Variants in PLEKHA7 observed in about 807,000 individuals in gnomAD.
The protein encoded by PLEKHA7 is pleckstrin homology domain-containing family A member 7.
In PLEKHA7, 104 loss-of-function variants were observed where a neutral mutation model predicts 170.0. The observed-to-expected ratio is 0.61, with a 90% CI of 0.52 to 0.72. The LOEUF (loss-of-function observed/expected upper bound fraction) is 0.72, where lower values mean the gene tolerates loss of function less well. PLEKHA7 is among the 30% of genes least tolerant of loss of function. PLEKHA7 has a pLI of 0.00. For synonymous variants in PLEKHA7, 648 were observed against 660.8 expected (o/e 0.98, Z 0.30); for missense variants, 1,615 against 1,671.7 (o/e 0.97, Z 0.59).
chr11:16,814,990 A>C (rs1849642464), intron 12 of PLEKHA7, among the ~76,000 whole-genome samples: 1 of 152,214 alleles, frequency 6.6e-6, no homozygotes, highest in Non-Finnish European at 1.5e-5. Context: ...CCCCCTCCCC[A>C]GTGCCAGAAG....
chr11:16,882,548 A>G (rs1026594108), intron 3 of PLEKHA7, among the ~76,000 whole-genome samples: 13 of 152,274 alleles, frequency 8.5e-5, no homozygotes, highest in Non-Finnish European at 1.9e-4. Flanking sequence ...ATGCTGGCAT[A>G]TTATCCTAAC....
In PLEKHA7 at chr11:16,861,789, C is replaced by T. The variant is rs190467282; in HGVS notation, c.306-5875G>A. ...GGGAAAGCTGGCCCCCAAAGTCATG[C>T]TCTGTCCTCAAGGAATCTACACACA... On this transcript the variant is annotated intron_variant, in intron 4 of 26. Coordinates refer to ENST00000531066, the MANE Select transcript of PLEKHA7 (RefSeq NM_001329630.2). 3.2e-4 allele frequency among the ~76,000 whole-genome samples: 48 copies of T among 151,004 alleles called. No individual in the cohort carries two copies. In the East Asian group the frequency reaches 9.4e-3, roughly 30 times the overall value.
intron 6 of PLEKHA7, 93 bp from the exon 7 acceptor site, chr11:16,852,448 GC>G: frequency 9.9e-7 from 1 of 1,015,190 alleles, no homozygotes; most frequent in Non-Finnish European, 1.5e-6. Flanking sequence ...CCAAATATTT[GC>G]CCATATTCAC....
intron 4 of PLEKHA7, among the ~76,000 whole-genome samples, chr11:16,867,543 T>G (rs1177099574): frequency 6.6e-6 from 1 of 152,186 alleles, no homozygotes; most frequent in African/African-American, 2.4e-5. Flanking sequence ...ATTAAGCTCC[T>G]CTAAGGGAAC....
At chr11:16,804,299 G>GGT (rs1848799286) in intron 13 of PLEKHA7, among the ~76,000 whole-genome samples, 1 of 152,160 alleles carries the variant, frequency 6.6e-6, no homozygotes, top group Admixed American at 6.5e-5. Context: ...AGAGACAGGT[G>GGT]GTGTGTGTGT....
chr11:16,812,877 A>C (rs750954031), intron 13 of PLEKHA7, among the ~76,000 whole-genome samples: 2 of 152,244 alleles, frequency 1.3e-5, no homozygotes, highest in African/African-American at 4.8e-5. Flanking sequence ...TCAAGGTCTC[A>C]AGCCCTCATT....
intron 3 of PLEKHA7, among the ~76,000 whole-genome samples, chr11:16,878,588 C>G (rs1855482099): frequency 6.6e-6 from 1 of 152,174 alleles, no homozygotes; most frequent in Admixed American, 6.5e-5. Flanking sequence ...TCCTTGCAGC[C>G]TGGATGCTCT....
chr11:16,852,433 C>T, intron 6 of PLEKHA7, 78 bp from the exon 7 acceptor site: 1 of 1,250,832 alleles, frequency 8.0e-7, no homozygotes, highest in Non-Finnish European at 1.1e-6. Flanking sequence ...AACCTGATTC[C>T]AGAACCAAAT....
intron 10 of PLEKHA7, among the ~76,000 whole-genome samples, chr11:16,818,141 G>A (rs887367349): frequency 6.6e-6 from 1 of 152,162 alleles, no homozygotes; most frequent in African/African-American, 2.4e-5. Context: ...GCAACATCTT[G>A]CAACGGAAAA....
Position 16,795,022 on chromosome 11 carries a change from A to G in PLEKHA7, c.2410-4T>C, listed in dbSNP as rs190501066. The G allele has an allele frequency of 1.1e-4, 181 of 1,601,218 alleles. 2 individuals carry two copies. In the Admixed American group the frequency reaches 1.3e-3, roughly 11 times the overall value. Reference sequence around the variant, plus strand: ...CTTTCTGTATCTGCGATTTCTCCTGAGGAAGACGAAGTGGTGGGTTTGCCT... The same window carrying G: ...CTTTCTGTATCTGCGATTTCTCCTGGGGAAGACGAAGTGGTGGGTTTGCCT... On this transcript the variant is annotated splice_polypyrimidine_tract_variant and splice_region_variant and intron_variant, in intron 17 of 26. Transcript: ENST00000531066.
At chr11:17,014,295 C>A in intron 1 of PLEKHA7, 21 bp downstream of exon 1, 1 of 1,428,514 alleles carries the variant, frequency 7.0e-7, no homozygotes, top group African/African-American at 1.5e-5. Flanking sequence ...GTCCCCGCGT[C>A]CCCGGGTCCT....
chr11:16,784,415 T>C (rs1180875587), intron 24 of PLEKHA7, among the ~76,000 whole-genome samples: 2 of 152,184 alleles, frequency 1.3e-5, no homozygotes, highest in Admixed American at 1.3e-4. Flanking sequence ...GATAAATGGA[T>C]GATTGACAGG....
chr11:17,014,160 C>A lies in PLEKHA7; in HGVS notation c.128G>T (p.Gly43Val). The A allele has an allele frequency of 6.2e-7, 1 of 1,601,970 alleles. No individual in the cohort carries two copies. The change falls in exon 2 of 27, where the codon GGG (glycine) becomes GTG (valine). Residue 43 changes from glycine (G) to valine (V), a missense_variant. Physicochemically the swap from Gly to Val is moderately radical, Grantham distance 109. Transcript: ENST00000531066. ...CATGTGGCCCGAGTTGACGGGCTCC[C>A]CGGTGCGCGGATGCAGCCAGGTCGT... ...RCTTWLHPRT[G>V]EPVNSGHMIR...
intron 10 of PLEKHA7, among the ~76,000 whole-genome samples, chr11:16,818,630 AG>A (rs928458770): frequency 1.3e-4 from 20 of 152,352 alleles, no homozygotes; most frequent in African/African-American, 4.8e-4. Context: ...TCCCAGGCCA[AG>A]GTGAAAAATT....
At chr11:16,978,705 A>G (rs1863221822) in intron 3 of PLEKHA7, among the ~76,000 whole-genome samples, 1 of 152,146 alleles carries the variant, frequency 6.6e-6, no homozygotes, top group South Asian at 2.1e-4. Flanking sequence ...CTGTATGCAT[A>G]CCTTTGCAAC....
At chr11:16,875,999 T>C (rs757601765) in intron 3 of PLEKHA7, among the ~76,000 whole-genome samples, 1 of 152,090 alleles carries the variant, frequency 6.6e-6, no homozygotes, top group Non-Finnish European at 1.5e-5. Flanking sequence ...TTGATCTCTT[T>C]CCACTACTCC....
At chr11:16,980,060 T>G (rs191690252) in intron 3 of PLEKHA7, among the ~76,000 whole-genome samples, 3 of 152,144 alleles carry the variant, frequency 2.0e-5, no homozygotes, top group Non-Finnish European at 2.9e-5. Flanking sequence ...CCACAGGAAG[T>G]GCAAGGCAGA....
At chr11:16,940,181 G>T (rs999432818) in intron 3 of PLEKHA7, among the ~76,000 whole-genome samples, 20 of 152,028 alleles carry the variant, frequency 1.3e-4, no homozygotes, top group African/African-American at 4.4e-4. Flanking sequence ...TGTGTCTCTG[G>T]CCCCTAGCAC....
intron 9 of PLEKHA7, among the ~76,000 whole-genome samples, chr11:16,834,645 G>C (rs1439186571): frequency 6.6e-6 from 1 of 152,224 alleles, no homozygotes; most frequent in Non-Finnish European, 1.5e-5. Context: ...TTTGTAAGCT[G>C]TAAATGCCAA....
Sources: gnomAD v4.1 joint callset for allele counts (sites outside exome capture counted in the v4.1 genomes callset) on GRCh38, gnomAD v4.1.1 for gene constraint, MANE v1.5 for transcripts, NCBI Gene and HGNC (gene_info 2026-07-23, HGNC 2026-07-21) for gene names.